ANK3: variants seen among roughly 807,000 people sequenced by gnomAD.
The protein encoded by ANK3 is ankyrin-3.
A neutral mutation model predicts 370.9 loss-of-function variants in ANK3; 57 were observed. The ratio of observed to expected loss-of-function variants is 0.15; its 90% CI spans 0.12 to 0.19. The LOEUF (loss-of-function observed/expected upper bound fraction) is 0.19. Among genes scored for constraint, ANK3 ranks in the 10% least tolerant of loss-of-function variants. The pLI is 1.00. For missense variants in ANK3, 4,439 were observed against 5,302.1 expected (o/e 0.84, Z 5.06); for synonymous variants, 1,929 against 1,946.3 (o/e 0.99, Z 0.23).
chr10:60,185,243 T>A (rs965596400), intron 17 of ANK3, among the ~76,000 whole-genome samples: 4 of 152,220 alleles, frequency 2.6e-5, no homozygotes, highest in Non-Finnish European at 5.9e-5. Context: ...CCTGTATATG[T>A]CTTTTGGTCT....
At chr10:60,658,357 G>C (rs1051485836) in intron 1 of ANK3, among the ~76,000 whole-genome samples, 3 of 150,278 alleles carry the variant, frequency 2.0e-5, no homozygotes, top group African/African-American at 7.4e-5. Flanking sequence ...ATTTTTTTTA[G>C]CAGTTGTTCT....
At chr10:60,180,808 T>A (rs942948013) in intron 18 of ANK3, among the ~76,000 whole-genome samples, 5 of 151,436 alleles carry the variant, frequency 3.3e-5, no homozygotes, top group African/African-American at 1.2e-4. Context: ...AATTAGCAAT[T>A]TTTTTTTCTT....
chr10:60,201,579 T>C (rs974972008), intron 12 of ANK3, among the ~76,000 whole-genome samples: 9 of 152,198 alleles, frequency 5.9e-5, no homozygotes. Context: ...TCATGGTTCC[T>C]ACAGAGCAAT....
intron 2 of ANK3, among the ~76,000 whole-genome samples, chr10:60,444,750 A>G (rs763580425): frequency 2.0e-5 from 3 of 152,056 alleles, no homozygotes; most frequent in Admixed American, 6.5e-5. Context: ...TTTCTTTAGT[A>G]TGCTTAATTT....
intron 7 of ANK3, among the ~76,000 whole-genome samples, chr10:60,261,119 A>G (rs1406219176): frequency 6.6e-6 from 1 of 152,180 alleles, no homozygotes; most frequent in African/African-American, 2.4e-5. Flanking sequence ...GGAAACTGAC[A>G]GACACAGGGA....
intron 2 of ANK3, among the ~76,000 whole-genome samples, chr10:60,464,121 G>C (rs977565380): frequency 1.3e-5 from 2 of 152,168 alleles, no homozygotes. Flanking sequence ...CTCTAAGTCT[G>C]CAGAGAGATA....
chr10:60,482,458 T>C (rs1019913507), intron 2 of ANK3, among the ~76,000 whole-genome samples: 2 of 151,944 alleles, frequency 1.3e-5, no homozygotes, highest in African/African-American at 4.8e-5. Flanking sequence ...TGTTCTGAGA[T>C]ACCTACCCAA....
intron 1 of ANK3, among the ~76,000 whole-genome samples, chr10:60,638,658 A>T (rs185156005): frequency 1.1e-4 from 16 of 152,218 alleles, no homozygotes; most frequent in African/African-American, 3.8e-4. Context: ...AGGAAAATAC[A>T]ACCATAATAA....
At chr10:60,573,421 G>C (rs2077641649) in intron 2 of ANK3, among the ~76,000 whole-genome samples, 1 of 152,054 alleles carries the variant, frequency 6.6e-6, no homozygotes, top group Non-Finnish European at 1.5e-5. Flanking sequence ...GAAATACTAA[G>C]AGCAAAGCTG....
intron 1 of ANK3, among the ~76,000 whole-genome samples, chr10:60,295,258 A>T (rs1004609747): frequency 2.6e-5 from 4 of 152,358 alleles, no homozygotes; most frequent in Middle Eastern, 3.4e-3. Context: ...CTGACTCTGC[A>T]ATTCACAAAG....
chr10:60,602,426 T>C (rs1365162455), intron 2 of ANK3, among the ~76,000 whole-genome samples: 1 of 152,194 alleles, frequency 6.6e-6, no homozygotes, highest in Non-Finnish European at 1.5e-5. Context: ...GAAACTCACT[T>C]GTCTCCGCTA....
intron 25 of ANK3, among the ~76,000 whole-genome samples, chr10:60,121,506 A>G (rs1483639987): frequency 2.0e-5 from 3 of 152,108 alleles, no homozygotes; most frequent in Non-Finnish European, 4.4e-5. Context: ...AGCCTGGGCA[A>G]CATGGCAAAA....
Position 60,088,353 on chromosome 10 carries a change from C to T in ANK3, c.3334G>A (p.Asp1112Asn). ...TTTTTCCCTAACTCTTCTGGGCTATCAAGTTCTGAAAAGACAAATGAAAGA... is the reference window on the plus strand; with the variant it reads ...TTTTTCCCTAACTCTTCTGGGCTATTAAGTTCTGAAAAGACAAATGAAAGA... ...ELLNGMDEEL[D>N]SPEELGKKRI... is the part of the protein sequence containing the mutation. The change falls in exon 29 of 44, where the codon GAT becomes AAT. Residue 1112 changes from aspartate to asparagine, a missense_variant. Asp to Asn is a conservative substitution (Grantham distance 23). Coordinates refer to ENST00000280772, the MANE Select transcript of ANK3 (RefSeq NM_020987.5). 1.2e-6 allele frequency: 2 copies of T among 1,613,862 alleles called. No individual in the cohort carries two copies. Among genetic ancestry groups the T allele is most frequent in the Non-Finnish European group, 1.7e-6 (2 of 1,179,834 alleles).
At chr10:60,536,748 C>T (rs2076733729) in intron 2 of ANK3, among the ~76,000 whole-genome samples, 1 of 152,016 alleles carries the variant, frequency 6.6e-6, no homozygotes, top group Non-Finnish European at 1.5e-5. Context: ...AAGCTTTCCA[C>T]AACGGAGTCT....
At chr10:60,708,485 A>G (rs1029443528) in intron 1 of ANK3, among the ~76,000 whole-genome samples, 3 of 152,176 alleles carry the variant, frequency 2.0e-5, no homozygotes, top group Non-Finnish European at 4.4e-5. Flanking sequence ...TACCTCCAAG[A>G]GCCCCACAAG....
chr10:60,472,366 C>A (rs1225790778), intron 2 of ANK3, among the ~76,000 whole-genome samples: 1 of 152,158 alleles, frequency 6.6e-6, no homozygotes, highest in African/African-American at 2.4e-5. Context: ...AACAATTCAA[C>A]CTTCAGCCAA....
intron 1 of ANK3, among the ~76,000 whole-genome samples, chr10:60,319,633 C>T (rs985029969): frequency 9.9e-5 from 15 of 152,194 alleles, no homozygotes; most frequent in African/African-American, 3.6e-4. Flanking sequence ...GGGCACCAGG[C>T]ACTACACTCC....
chr10:60,076,580 A>G (rs1178157215), intron 36 of ANK3, 132 bp from the exon 37 acceptor site: 2 of 1,220,360 alleles, frequency 1.6e-6, no homozygotes, highest in East Asian at 2.7e-5. Flanking sequence ...TGTTTGCATG[A>G]TTTAGAATGG....
intron 1 of ANK3, among the ~76,000 whole-genome samples, chr10:60,299,534 G>T (rs969281144): frequency 1.3e-5 from 2 of 152,142 alleles, no homozygotes; most frequent in African/African-American, 4.8e-5. Context: ...GATGTTAACT[G>T]TGTAACATCA....
Sources: allele counts gnomAD v4.1 joint callset (sites outside exome capture counted in the v4.1 genomes callset), GRCh38; gene constraint gnomAD v4.1.1; transcripts MANE v1.5; gene names NCBI Gene and HGNC (gene_info 2026-07-23, HGNC 2026-07-21).